Variants in AGBL1 observed in about 807,000 individuals in gnomAD.
AGBL1 encodes the protein AGBL carboxypeptidase 1.
AGBL1 carries 130 observed loss-of-function variants against 118.9 expected under a neutral mutation model. The observed-to-expected ratio is 1.09, with a 90% CI of 0.95 to 1.26. The LOEUF (loss-of-function observed/expected upper bound fraction) is 1.26, where lower values mean the gene tolerates loss of function less well. Among genes scored for constraint, AGBL1 ranks in the 50% most tolerant of loss-of-function variants. The pLI is 0.00. For missense variants in AGBL1, 1,584 were observed against 1,298.1 expected, an observed-to-expected ratio of 1.22 and a Z score of -3.38; for synonymous variants, 555 against 478.9, an observed-to-expected ratio of 1.16 and a Z score of -2.08.
At chr15:86,817,610 GAA>G (rs1275945880) in intron 22 of AGBL1, among the ~76,000 whole-genome samples, 9 of 144,004 alleles carry the variant, frequency 6.2e-5, no homozygotes, top group Non-Finnish European at 7.6e-5. Flanking sequence ...GAGAGAGAGA[GAA>G]AAAGAGACAG....
chr15:86,479,470 C>T (rs1300894980), intron 18 of AGBL1, among the ~76,000 whole-genome samples: 2 of 151,688 alleles, frequency 1.3e-5, no homozygotes, highest in East Asian at 3.9e-4. Context: ...CCAACAGACA[C>T]ATGAAAAAAT....
At chr15:86,518,266 C>T (rs921174866) in intron 18 of AGBL1, among the ~76,000 whole-genome samples, 15 of 151,916 alleles carry the variant, frequency 9.9e-5, no homozygotes, top group Admixed American at 3.3e-4. Context: ...TGTTAAAGCC[C>T]GCGGTTATGT....
intron 22 of AGBL1, among the ~76,000 whole-genome samples, chr15:86,783,656 G>T (rs890444312): frequency 2.0e-5 from 3 of 152,122 alleles, no homozygotes; most frequent in African/African-American, 7.2e-5. Flanking sequence ...TTGAGACAGA[G>T]TCTCACTCCG....
intron 21 of AGBL1, among the ~76,000 whole-genome samples, chr15:86,590,860 A>G (rs999615847): frequency 2.6e-5 from 4 of 152,216 alleles, no homozygotes; most frequent in Non-Finnish European, 5.9e-5. Context: ...AAAGAAATAT[A>G]TTCTGGTGTA....
At chr15:86,488,763 A>G (rs751188165) in intron 18 of AGBL1, among the ~76,000 whole-genome samples, 8 of 151,958 alleles carry the variant, frequency 5.3e-5, no homozygotes, top group Non-Finnish European at 8.8e-5. Context: ...GCCCTTTCCA[A>G]TGATGGGGAA....
intron 22 of AGBL1, among the ~76,000 whole-genome samples, chr15:86,876,646 C>A (rs1240279314): frequency 1.3e-5 from 2 of 152,288 alleles, no homozygotes; most frequent in Admixed American, 1.3e-4. Context: ...GCTTTGTAGG[C>A]CATAGGCTCT....
At chr15:86,714,299 A>T (rs931665590) in intron 22 of AGBL1, among the ~76,000 whole-genome samples, 7 of 152,190 alleles carry the variant, frequency 4.6e-5, no homozygotes, top group Admixed American at 4.6e-4. Flanking sequence ...TGTGAATCAG[A>T]ACTCAAGTGT....
At chr15:86,445,857 T>C (rs191625779) in intron 18 of AGBL1, among the ~76,000 whole-genome samples, 11 of 152,284 alleles carry the variant, frequency 7.2e-5, no homozygotes, top group South Asian at 4.1e-4. Flanking sequence ...TTGTGATGCA[T>C]TGGGGCCGTG....
chr15:86,848,573 C>G lies in AGBL1; in HGVS notation c.3159-58514C>G, dbSNP rs111915173. Among the ~76,000 whole-genome samples the G allele has an allele frequency of 2.3e-3, 352 of 152,220 alleles. 3 individuals carry two copies. The highest frequency in any genetic ancestry group is 8.3e-3 in the African/African-American group (343 of 41,534). ...GTCCCAAGAACTAAACATAATACTTCAAGTATGGTCGCAGTCATTCAAGCA... is the reference window on the plus strand; with the variant it reads ...GTCCCAAGAACTAAACATAATACTTGAAGTATGGTCGCAGTCATTCAAGCA... On this transcript the variant is annotated intron_variant, in intron 22 of 22. Coordinates refer to ENST00000614907, the MANE Select transcript of AGBL1 (RefSeq NM_001386094.1).
intron 23 of AGBL1, among the ~76,000 whole-genome samples, chr15:86,963,823 A>G (rs1265761102): frequency 1.3e-5 from 2 of 151,954 alleles, no homozygotes; most frequent in Non-Finnish European, 1.5e-5. Flanking sequence ...CTAGTGGACG[A>G]GTGTCTGATT....
chr15:86,179,685 A>G (rs2077527046), intron 5 of AGBL1, among the ~76,000 whole-genome samples: 1 of 152,202 alleles, frequency 6.6e-6, no homozygotes, highest in South Asian at 2.1e-4. Flanking sequence ...ATTTAACATT[A>G]TACTGGCGAT....
intron 5 of AGBL1, among the ~76,000 whole-genome samples, chr15:86,221,664 C>T (rs767080428): frequency 1.3e-5 from 2 of 152,134 alleles, no homozygotes; most frequent in Non-Finnish European, 2.9e-5. Flanking sequence ...AGATGAAGTG[C>T]TTTCAGTTTG....
At chr15:86,495,832 TCTTG>T (rs2082846024) in intron 18 of AGBL1, among the ~76,000 whole-genome samples, 2 of 151,970 alleles carry the variant, frequency 1.3e-5, no homozygotes, top group African/African-American at 2.4e-5. Context: ...GATTTTTTTA[TCTTG>T]CTTTTTCTTT....
chr15:86,304,114 C>G (rs991874834), intron 17 of AGBL1, among the ~76,000 whole-genome samples: 1 of 152,122 alleles, frequency 6.6e-6, no homozygotes, highest in African/African-American at 2.4e-5. Context: ...GTAATATGTT[C>G]TAGGCTCCTC....
intron 22 of AGBL1, among the ~76,000 whole-genome samples, chr15:86,735,082 A>T (rs868867720): frequency 6.0e-5 from 9 of 150,792 alleles, no homozygotes; most frequent in South Asian, 2.1e-4. Context: ...TTATAATAAT[A>T]ATTATTATTA....
At chr15:86,278,249 AT>A (rs1264226502) in intron 15 of AGBL1, among the ~76,000 whole-genome samples, 1 of 152,188 alleles carries the variant, frequency 6.6e-6, no homozygotes, top group Non-Finnish European at 1.5e-5. Context: ...AAGGAAACGG[AT>A]TCTATTAATA....
intron 18 of AGBL1, among the ~76,000 whole-genome samples, chr15:86,412,544 G>C (rs1423224128): frequency 6.6e-6 from 1 of 152,106 alleles, no homozygotes; most frequent in African/African-American, 2.4e-5. Flanking sequence ...TCTCCAAGTT[G>C]CTCTTGAGTG....
chr15:86,511,649 C>G (rs1353097602), intron 18 of AGBL1, among the ~76,000 whole-genome samples: 1 of 151,872 alleles, frequency 6.6e-6, no homozygotes, highest in Non-Finnish European at 1.5e-5. Context: ...TTGTGAAGAT[C>G]CATGAGGAGA....
rs187770244 is a variant in AGBL1 at position 86,471,560 on chromosome 15, G to A, written c.2556-51250G>A. 1.3e-4 allele frequency among the ~76,000 whole-genome samples: 20 copies of A among 148,860 alleles called. No homozygotes were observed. In the East Asian group the frequency reaches 2.2e-3, roughly 16 times the overall value. On this transcript the variant is annotated intron_variant, in intron 18 of 22. Coordinates refer to ENST00000614907, the MANE Select transcript of AGBL1 (RefSeq NM_001386094.1). ...TTGCTATCAGATCAACACTGGCCTC[G>A]TAAAATGAATTTGGAAGCATTCACT...
Sources: allele counts gnomAD v4.1 joint callset (sites outside exome capture counted in the v4.1 genomes callset), GRCh38; gene constraint gnomAD v4.1.1; transcripts MANE v1.5; gene names NCBI Gene and HGNC (gene_info 2026-07-23, HGNC 2026-07-21).